The following ACOT12 variants were observed in gnomAD, a reference collection of about 807,000 sequenced individuals.
The protein encoded by ACOT12 is acyl-CoA thioesterase 12, also known as acetyl-coenzyme A thioesterase.
Under a neutral mutation model 67.7 loss-of-function variants are expected in ACOT12, and 51 were observed. The observed-to-expected ratio is 0.75, with a 90% CI of 0.60 to 0.95. ACOT12 has a LOEUF of 0.95. Among genes scored for constraint, ACOT12 ranks in the 40% least tolerant of loss-of-function variants. The probability of loss-of-function intolerance (pLI) is 0.00; values close to 1 mark genes in which losing one functional copy is unlikely to be tolerated. For missense variants in ACOT12, 734 were observed against 708.1 expected (o/e 1.04, Z -0.41); for synonymous variants, 251 against 244.6 (o/e 1.03, Z -0.24).
chr5:81,334,112 C>T (rs1254790101), intron 12 of ACOT12, among the ~76,000 whole-genome samples: 1 of 152,174 alleles, frequency 6.6e-6, no homozygotes, highest in Non-Finnish European at 1.5e-5. Context: ...CCCACTCCAT[C>T]CTCCTTCTGG....
chr5:81,374,925 T>C (rs1166843215), intron 2 of ACOT12, among the ~76,000 whole-genome samples: 1 of 152,186 alleles, frequency 6.6e-6, no homozygotes, highest in Non-Finnish European at 1.5e-5. Flanking sequence ...CTTCAGGATA[T>C]TATCCAGGAG....
intron 11 of ACOT12, among the ~76,000 whole-genome samples, chr5:81,336,736 C>G (rs907035693): frequency 6.6e-6 from 1 of 152,114 alleles, no homozygotes; most frequent in Non-Finnish European, 1.5e-5. Context: ...ACCTTATAAC[C>G]ATTCCCATGG....
the ACOT12 span, among the ~76,000 whole-genome samples, chr5:81,319,534 A>G: frequency 1.3e-5 from 2 of 152,170 alleles, no homozygotes; most frequent in Non-Finnish European, 2.9e-5. Context: ...CCTGACCAAC[A>G]TGGAGAAACC....
chr5:81,336,018 T>A, intron 11 of ACOT12, 117 bp from the exon 12 acceptor site: 1 of 1,121,400 alleles, frequency 8.9e-7, no homozygotes, highest in Non-Finnish European at 1.2e-6. Flanking sequence ...TCTTATTTCC[T>A]GGATGAAATT....
the ACOT12 span, chr5:81,312,544 A>G: frequency 6.2e-7 from 1 of 1,611,422 alleles, no homozygotes; most frequent in Non-Finnish European, 8.5e-7. Flanking sequence ...TCCTTTACAG[A>G]GCGAATGGTC....
intron 5 of ACOT12, among the ~76,000 whole-genome samples, chr5:81,357,949 T>A (rs1759771333): frequency 7.1e-6 from 1 of 140,176 alleles, no homozygotes. Context: ...GAGGTTGCAG[T>A]GAGCTGAGAT....
chr5:81,362,012 T>TC (rs1759924472), intron 4 of ACOT12, among the ~76,000 whole-genome samples: 1 of 152,204 alleles, frequency 6.6e-6, no homozygotes, highest in Admixed American at 6.5e-5. Flanking sequence ...TATTAGCAAC[T>TC]AGGAAATAAG....
chr5:81,314,631 TTA>T, the ACOT12 span, among the ~76,000 whole-genome samples: 1 of 152,208 alleles, frequency 6.6e-6, no homozygotes. Flanking sequence ...TTCATTCATC[TTA>T]TATATTTCCC....
chr5:81,320,015 T>C, the ACOT12 span, among the ~76,000 whole-genome samples: 2 of 152,160 alleles, frequency 1.3e-5, no homozygotes, highest in Non-Finnish European at 2.9e-5. Flanking sequence ...TGTCTTAGAC[T>C]AGGGCGGTGA....
chr5:81,364,603 A>G (rs1760018876), intron 3 of ACOT12, among the ~76,000 whole-genome samples: 1 of 151,870 alleles, frequency 6.6e-6, no homozygotes. Context: ...AATTTTTTGT[A>G]TTTTTAGTAC....
intron 2 of ACOT12, among the ~76,000 whole-genome samples, chr5:81,381,369 A>G (rs1479673648): frequency 6.6e-6 from 1 of 152,062 alleles, no homozygotes; most frequent in Non-Finnish European, 1.5e-5. Flanking sequence ...GCACCCGGCC[A>G]GTATTAAAAT....
intron 2 of ACOT12, among the ~76,000 whole-genome samples, chr5:81,385,486 CTGTT>C (rs1760702039): frequency 6.6e-6 from 1 of 152,058 alleles, no homozygotes; most frequent in Admixed American, 6.6e-5. Flanking sequence ...TATAGAAAGT[CTGTT>C]TGGCTGTTAT....
intron 2 of ACOT12, 102 bp from the exon 3 acceptor site, chr5:81,371,912 T>C: frequency 1.0e-6 from 1 of 957,488 alleles, no homozygotes; most frequent in Non-Finnish European, 1.6e-6. Context: ...AGTTCCACCT[T>C]ATCATGCTGA....
At chr5:81,388,969 T>G (rs1417234581) in intron 1 of ACOT12, among the ~76,000 whole-genome samples, 1 of 152,222 alleles carries the variant, frequency 6.6e-6, no homozygotes, top group African/African-American at 2.4e-5. Context: ...ATTGTGAGGC[T>G]TCCCCACCCA....
intron 3 of ACOT12, among the ~76,000 whole-genome samples, chr5:81,369,502 C>T (rs1760181655): frequency 6.6e-6 from 1 of 152,082 alleles, no homozygotes; most frequent in South Asian, 2.1e-4. Flanking sequence ...GGAAAAAAAT[C>T]CAAGAAATTT....
chr5:81,340,614 C>A (rs1217291826), intron 11 of ACOT12, among the ~76,000 whole-genome samples: 1 of 152,178 alleles, frequency 6.6e-6, no homozygotes. Context: ...CCTGCCTCGG[C>A]CTCCCAAAGT....
At chr5:81,359,508 C>G (rs1379739122) in intron 5 of ACOT12, among the ~76,000 whole-genome samples, 2 of 152,212 alleles carry the variant, frequency 1.3e-5, no homozygotes, top group Non-Finnish European at 2.9e-5. Context: ...TTGCAGCTTT[C>G]TGCTCTGTTG....
At chr5:81,344,779 A>G in intron 8 of ACOT12, 112 bp downstream of exon 8, 3 of 1,331,370 alleles carry the variant, frequency 2.3e-6, no homozygotes, top group Non-Finnish European at 3.1e-6. Context: ...TGCTGAAAAG[A>G]GGGAAAACCA....
rs746051282 is a variant in ACOT12 at position 81,359,957 on chromosome 5, A to C, written c.442T>G (p.Leu148Val). The C allele has an allele frequency of 6.2e-7, 1 of 1,612,766 alleles. No homozygotes were observed. The change falls in exon 5 of 15, where the codon TTA becomes GTA. Residue 148 changes from leucine (L) to valine (V), a missense_variant. Transcript: ENST00000307624. ...TTGTTAAAGGTATCTTCATGTTGTA[A>C]TCGAACTTTCCTTCTCTCAGCAGCC... ...NLAAERRKVR[L>V]QHEDTFNNLM...
Sources: allele counts gnomAD v4.1 joint callset (sites outside exome capture counted in the v4.1 genomes callset), GRCh38; gene constraint gnomAD v4.1.1; transcripts MANE v1.5; gene names NCBI Gene and HGNC (gene_info 2026-07-23, HGNC 2026-07-21).